PPP1R15B: variants seen among roughly 807,000 people sequenced by gnomAD.
PPP1R15B encodes the protein protein phosphatase 1 regulatory subunit 15B.
In PPP1R15B, 31 loss-of-function variants were observed where a neutral mutation model predicts 53.9. The ratio of observed to expected loss-of-function variants is 0.58; its 90% confidence interval spans 0.43 to 0.78. The LOEUF (loss-of-function observed/expected upper bound fraction) is 0.78, where lower values mean the gene tolerates loss of function less well. Ranked by LOEUF, PPP1R15B falls within the 30% of genes least tolerant of loss-of-function variation. The pLI is 0.00. For missense variants in PPP1R15B, 928 were observed against 849.6 expected (o/e 1.09, Z -1.15); for synonymous variants, 345 against 329.1 (o/e 1.05, Z -0.52).
At chr1:204,406,960 T>C (rs1006895923) in intron 1 of PPP1R15B, among the ~76,000 whole-genome samples, 4 of 151,678 alleles carry the variant, frequency 2.6e-5, no homozygotes, top group African/African-American at 4.9e-5. Flanking sequence ...AGATAGGGAA[T>C]TGAATTTTTC....
chr1:204,399,015 A>C (rs537209660), downstream of PPP1R15B, among the ~76,000 whole-genome samples: 28 of 152,358 alleles, frequency 1.8e-4, no homozygotes, highest in African/African-American at 6.5e-4. Context: ...CTTTTCTCTA[A>C]GGACATTTAA....
In PPP1R15B at chr1:204,411,374, C is replaced by G; in HGVS notation, c.38G>C (p.Gly13Ala). Residue 13 changes from glycine (G) to alanine (A), a missense_variant, in exon 1 of 2, where the codon GGC (glycine) becomes GCC (alanine). By Grantham distance (60) the Gly-to-Ala change is moderately conservative. Transcript: ENST00000367188. ...CCAGAACCGGAAGCCCGCCCGAGGG[C>G]CAAGCCGTTTCCGCGATCCGCCTGT... ...PGTGGSRKRL[G>A]PRAGFRFWPP... 6.2e-7 allele frequency: 1 copy of G among 1,613,328 alleles called. No homozygotes were observed. Among genetic ancestry groups the G allele is most frequent in the Non-Finnish European group, 8.5e-7 (1 of 1,180,010 alleles).
At position 204,406,232 on chromosome 1, in the gene PPP1R15B, C is replaced by T; in HGVS notation, c.2002G>A (p.Asp668Asn). ...RKGPWEEFAR[D>N]GCRFQKRIQE... is the part of the protein sequence containing the mutation. ...ATTCGTTTCTGGAACCTGCATCCAT[C>T]CCTTGCAAATTCTTCCCATGGTCCT... Residue 668 changes from aspartate to asparagine, a missense_variant, in exon 2 of 2, where the codon GAT becomes AAT. Physicochemically the swap from Asp to Asn is conservative, Grantham distance 23. Transcript: ENST00000367188. 1 of 1,614,182 alleles carries T rather than the reference C, an allele frequency of 6.2e-7. No homozygotes were observed. Among genetic ancestry groups the T allele is most frequent in the Admixed American group, 1.7e-5 (1 of 60,020 alleles).
downstream of PPP1R15B, among the ~76,000 whole-genome samples, chr1:204,396,412 G>T (rs1424588819): frequency 1.3e-5 from 2 of 150,892 alleles, no homozygotes; most frequent in Non-Finnish European, 3.0e-5. Flanking sequence ...AACCAGCTGG[G>T]TGTGGTCGCA....
rs1481813299 is a variant in PPP1R15B, at chr1:204,404,686, A to C, written c.*1406T>G. 13 of 985,660 alleles carry C rather than the reference A, an allele frequency of 1.3e-5. No individual in the cohort carries two copies. Among genetic ancestry groups the C allele is most frequent in the Non-Finnish European group, 1.4e-5 (12 of 829,892 alleles). The allele number at this position is 985,660 out of a possible 1,614,324, so 61.1% of individuals were successfully genotyped here. On this transcript the variant is annotated 3_prime_UTR_variant, in exon 2 of 2. Transcript: ENST00000367188. ...AACCCTGTAAGCACTTCTGATGAAA[A>C]ATTCATCCCCACACTTAAATAAGTT...
In PPP1R15B at chr1:204,411,491, AG is replaced by A; in HGVS notation, c.-81del. 6.5e-7 allele frequency: 1 copy of A among 1,533,756 alleles called. No homozygotes were observed. The highest frequency in any genetic ancestry group is 8.7e-7 in the Non-Finnish European group (1 of 1,145,586). ...TCGACGGGATTCGGAGGAAGCCTAC[AG>A]AGTCTCGGCCTTGCCCAGCGGTGGC... is the stretch of plus-strand genomic sequence containing the variant. On this transcript the variant is annotated 5_prime_UTR_variant, in exon 1 of 2. It removes the in-frame stop codon of an upstream open reading frame in the 5' UTR. Transcript: ENST00000367188.
Position 204,411,051 on chromosome 1 carries a change from G to T in PPP1R15B, c.361C>A (p.Gln121Lys), listed in dbSNP as rs769502813. 1 of 1,614,180 alleles carries T rather than the reference G, an allele frequency of 6.2e-7. No individual in the cohort carries two copies. The highest frequency in any genetic ancestry group is 8.5e-7 in the Non-Finnish European group (1 of 1,180,036). Residue 121 changes from glutamine (Q) to lysine (K), a missense_variant, in exon 1 of 2, where the codon CAG (glutamine) becomes AAG (lysine). Physicochemically the swap from Gln to Lys is moderately conservative, Grantham distance 53. Transcript: ENST00000367188. ...GREKPAAPTA[Q>K]KSLSSLQLDS... is the part of the protein sequence containing the mutation. ...AGCTGCAGCGAACTCAAAGATTTCT[G>T]CGCTGTGGGGGCGGCTGGTTTCTCC...
intron 1 of PPP1R15B, among the ~76,000 whole-genome samples, chr1:204,407,792 G>A (rs868242844): frequency 3.3e-5 from 5 of 151,980 alleles, no homozygotes; most frequent in Non-Finnish European, 5.9e-5. Flanking sequence ...AGAAAACAGA[G>A]GTAGAAGGGT....
At chr1:204,396,065 T>C (rs1310372144), downstream of PPP1R15B, among the ~76,000 whole-genome samples, 1 of 152,052 alleles carries the variant, frequency 6.6e-6, no homozygotes, top group Non-Finnish European at 1.5e-5. Flanking sequence ...GGACTACTGA[T>C]ACACTCAACA....
At chr1:204,397,920 C>T (rs2103437829), downstream of PPP1R15B, among the ~76,000 whole-genome samples, 1 of 151,062 alleles carries the variant, frequency 6.6e-6, no homozygotes, top group East Asian at 1.9e-4. Context: ...TCAAATACTA[C>T]AAATACAAAA....
At position 204,409,533 on chromosome 1, in the gene PPP1R15B, C is replaced by G; in HGVS notation, c.1879G>C (p.Val627Leu). The G allele has an allele frequency of 6.2e-7, 1 of 1,613,428 alleles. No individual in the cohort carries two copies. Among genetic ancestry groups the G allele is most frequent in the South Asian group, 1.1e-5 (1 of 90,904 alleles). Reference sequence around the variant, plus strand: ...TGTGTGTGTCTTCCTCCAGAAAGAACGTCACGCTGTACCGAGTCTGGACAT... The same window carrying G: ...TGTGTGTGTCTTCCTCCAGAAAGAAGGTCACGCTGTACCGAGTCTGGACAT... The part of the protein sequence containing the change: ...SECPDSVQRD[V>L]LSGGRHTHVK... The change falls in exon 1 of 2, where the codon GTT becomes CTT. Residue 627 changes from valine (V) to leucine (L), a missense_variant. Val to Leu is a conservative substitution (Grantham distance 32, BLOSUM62 1). Transcript: ENST00000367188.
downstream of PPP1R15B, among the ~76,000 whole-genome samples, chr1:204,400,238 A>G (rs866406705): frequency 3.4e-5 from 5 of 146,526 alleles, no homozygotes; most frequent in Non-Finnish European, 7.6e-5. Context: ...CACTGTCTCA[A>G]AAAAAAAAAA....
At position 204,411,731 on chromosome 1, in the gene PPP1R15B, C is replaced by G; in HGVS notation, c.-320G>C. On this transcript the variant is annotated 5_prime_UTR_variant, in exon 1 of 2. Coordinates refer to ENST00000367188, the MANE Select transcript of PPP1R15B (RefSeq NM_032833.5). ...CACGGCCTCGGCGATGGTTTTCCGA[C>G]TGACAGAGGGTTGAAAAGCCCCTGA... is the stretch of plus-strand genomic sequence containing the variant. 2 of 432,060 alleles carry G rather than the reference C, an allele frequency of 4.6e-6. No individual in the cohort carries two copies. The highest frequency in any genetic ancestry group is 5.4e-5 in the South Asian group (2 of 37,140). The allele number at this position is 432,060 out of a possible 1,614,324, so 26.8% of individuals were successfully genotyped here.
At chr1:204,406,942 A>T (rs1243608033) in intron 1 of PPP1R15B, among the ~76,000 whole-genome samples, 2 of 152,000 alleles carry the variant, frequency 1.3e-5, no homozygotes, top group Non-Finnish European at 2.9e-5. Flanking sequence ...TGTTAATAAA[A>T]TGAATCCAGA....
downstream of PPP1R15B, among the ~76,000 whole-genome samples, chr1:204,400,478 TTC>T (rs1380071895): frequency 1.0e-5 from 1 of 97,010 alleles, no homozygotes; most frequent in Non-Finnish European, 2.9e-5. Context: ...CCCAGCTAAT[TTC>T]TTTTTCTTTT....
chr1:204,405,822 C>A lies in PPP1R15B; in HGVS notation c.*270G>T, dbSNP rs1178002351. ...ACTCAAAAAGGTCCCCTTTCCACCT[C>A]ATGCAGGCAAAGGACATTTAAAAGC... On this transcript the variant is annotated 3_prime_UTR_variant, in exon 2 of 2. Transcript: ENST00000367188. The A allele has an allele frequency of 8.7e-7, 1 of 1,152,838 alleles. No homozygotes were observed. The highest frequency in any genetic ancestry group is 1.6e-5 in the African/African-American group (1 of 63,242). The allele number at this position is 1,152,838 out of a possible 1,614,324, so 71.4% of individuals were successfully genotyped here. A position where few individuals can be genotyped will look rare whatever the true frequency, so the allele number is the denominator to read the frequency against.
Position 204,410,411 on chromosome 1 carries a change from A to ATCC in PPP1R15B, c.998_1000dup (p.Arg333dup). 1.2e-6 allele frequency: 2 copies of ATCC among 1,614,210 alleles called. No homozygotes were observed. The highest frequency in any genetic ancestry group is 1.7e-6 in the Non-Finnish European group (2 of 1,180,044). On this transcript the variant is annotated inframe_insertion, in exon 1 of 2. Coordinates refer to ENST00000367188, the MANE Select transcript of PPP1R15B (RefSeq NM_032833.5). Reference sequence around the variant, plus strand: ...GTTATCTCTGCAGTGTTTTGGATCCATCCGGAGAAGGCTGTGTTCCTCCTC... The same window carrying ATCC: ...GTTATCTCTGCAGTGTTTTGGATCCATCCTCCGGAGAAGGCTGTGTTCCTCCTC...
chr1:204,409,893 G>C lies in PPP1R15B; in HGVS notation c.1519C>G (p.Pro507Ala). The C allele has an allele frequency of 1.9e-6, 3 of 1,614,040 alleles. No individual in the cohort carries two copies. Among genetic ancestry groups the C allele is most frequent in the Non-Finnish European group, 2.5e-6 (3 of 1,180,004 alleles). ...QTAARIVPEE[P>A]SDSEKDLSGK... ...GACAAATCCTTCTCTGAATCAGAAGGCTCTTCAGGAACAATTCTGGCAGCA... is the reference window on the plus strand; with the variant it reads ...GACAAATCCTTCTCTGAATCAGAAGCCTCTTCAGGAACAATTCTGGCAGCA... The change falls in exon 1 of 2, where the codon CCT (proline) becomes GCT (alanine). Residue 507 changes from proline to alanine, a missense_variant. Pro to Ala is a conservative substitution (Grantham distance 27, BLOSUM62 -1). Coordinates refer to ENST00000367188, the MANE Select transcript of PPP1R15B (RefSeq NM_032833.5).
At chr1:204,400,185 T>A (rs1486919244), downstream of PPP1R15B, among the ~76,000 whole-genome samples, 1 of 148,000 alleles carries the variant, frequency 6.8e-6, no homozygotes, top group Non-Finnish European at 1.5e-5. Context: ...TGCAGTGAGC[T>A]GTGATCATGC....
Sources: gnomAD v4.1 joint callset for allele counts (sites outside exome capture counted in the v4.1 genomes callset) on GRCh38, gnomAD v4.1.1 for gene constraint, MANE v1.5 for transcripts, NCBI Gene and HGNC (gene_info 2026-07-23, HGNC 2026-07-21) for gene names.